Variants in STK3 observed in about 807,000 individuals in gnomAD.
STK3 encodes the protein serine/threonine kinase 3.
In STK3, 41 loss-of-function variants were observed where a neutral mutation model predicts 58.0. That is an observed-to-expected ratio of 0.71 (90% CI 0.55 to 0.92). The LOEUF (loss-of-function observed/expected upper bound fraction) is 0.92, where lower values mean the gene tolerates loss of function less well. Among genes scored for constraint, STK3 ranks in the 40% least tolerant of loss-of-function variants. The probability of loss-of-function intolerance (pLI) is 0.00; values close to 1 mark genes in which losing one functional copy is unlikely to be tolerated. For missense variants in STK3, 479 were observed against 602.7 expected, an observed-to-expected ratio of 0.79 and a Z score of 2.15; for synonymous variants, 170 against 191.0, an observed-to-expected ratio of 0.89 and a Z score of 0.91.
intron 3 of STK3, among the ~76,000 whole-genome samples, chr8:98,867,052 G>A (rs1304188089): frequency 1.3e-5 from 2 of 152,020 alleles, no homozygotes; most frequent in Admixed American, 6.5e-5. Flanking sequence ...AGCACACCAC[G>A]ACATCCACTA....
chr8:98,687,164 T>C (rs1824060636), intron 6 of STK3, among the ~76,000 whole-genome samples: 2 of 152,036 alleles, frequency 1.3e-5, no homozygotes, highest in South Asian at 4.1e-4. Flanking sequence ...AGAAAAAACC[T>C]TAAAGGCAGC....
intron 1 of STK3, among the ~76,000 whole-genome samples, chr8:98,794,806 G>A (rs1691959373): frequency 6.6e-6 from 1 of 151,796 alleles, no homozygotes; most frequent in Non-Finnish European, 1.5e-5. Context: ...AGTGGCTCAC[G>A]CCTGTAATCC....
At chr8:98,588,593 G>A (rs932519900) in intron 7 of STK3, among the ~76,000 whole-genome samples, 2 of 152,006 alleles carry the variant, frequency 1.3e-5, no homozygotes, top group Non-Finnish European at 2.9e-5. Flanking sequence ...TTGCTTTCTC[G>A]AGGAGTATCT....
chr8:98,410,714 C>T (rs1259118347), intron 3 of STK3, among the ~76,000 whole-genome samples: 3 of 152,176 alleles, frequency 2.0e-5, no homozygotes, highest in South Asian at 2.1e-4. Context: ...TTCTATCATC[C>T]TCCTTACATC....
intron 10 of STK3, among the ~76,000 whole-genome samples, chr8:98,457,731 G>T (rs1294905669): frequency 1.3e-5 from 2 of 152,058 alleles, no homozygotes; most frequent in South Asian, 2.1e-4. Context: ...TGACCCAAAG[G>T]AGTGGGTTAC....
At chr8:98,864,952 G>C (rs770613143) in intron 3 of STK3, among the ~76,000 whole-genome samples, 15 of 152,066 alleles carry the variant, frequency 9.9e-5, no homozygotes, top group Non-Finnish European at 1.9e-4. Context: ...TTCTCTTTAG[G>C]ACATGGGCCA....
intron 4 of STK3, among the ~76,000 whole-genome samples, chr8:98,721,588 G>T (rs1288852418): frequency 6.6e-6 from 1 of 151,192 alleles, no homozygotes; most frequent in African/African-American, 2.4e-5. Flanking sequence ...AGAACATAGA[G>T]CTCATATAAA....
intron 6 of STK3, chr8:98,597,465 T>G: frequency 1.0e-6 from 1 of 985,332 alleles, no homozygotes; most frequent in Non-Finnish European, 1.2e-6. Context: ...TAGCCAGTAT[T>G]ACAAAACAAT....
chr8:98,586,799 T>C (rs111548982), intron 7 of STK3, among the ~76,000 whole-genome samples: 1 of 152,042 alleles, frequency 6.6e-6, no homozygotes, highest in Non-Finnish European at 1.5e-5. Flanking sequence ...TATTCAGAGA[T>C]TCAACTTCTT....
chr8:98,812,268 A>T (rs1477324490), intron 1 of STK3, among the ~76,000 whole-genome samples: 1 of 152,236 alleles, frequency 6.6e-6, no homozygotes, highest in Non-Finnish European at 1.5e-5. Context: ...TTAGAAAGTT[A>T]TGTGTTTCTC....
chr8:98,576,893 A>G (rs2131712639), intron 8 of STK3, among the ~76,000 whole-genome samples: 1 of 152,268 alleles, frequency 6.6e-6, no homozygotes, highest in East Asian at 1.9e-4. Flanking sequence ...TGAAAACTAC[A>G]ATTTTTTTTC....
chr8:98,768,349 T>C (rs1831073759), intron 2 of STK3, among the ~76,000 whole-genome samples: 1 of 152,182 alleles, frequency 6.6e-6, no homozygotes, highest in African/African-American at 2.4e-5. Flanking sequence ...ATGGAAAACA[T>C]CGAATGTTTC....
rs115592507 is a variant in STK3, at chr8:98,459,501, C to T, written c.1318-3501G>A. Among the ~76,000 whole-genome samples the T allele has an allele frequency of 2.4e-3, 360 of 152,314 alleles. 1 individual carries two copies. The highest frequency in any genetic ancestry group is 8.3e-3 in the African/African-American group (347 of 41,580). On this transcript the variant is annotated intron_variant, in intron 10 of 10. Transcript: ENST00000419617. ...AAACCTGTTTTCTGGGGGAGAAATT[C>T]GAGCCTGCAGCAGAAATCTGCGTTA...
intron 3 of STK3, among the ~76,000 whole-genome samples, chr8:98,409,352 T>C (rs1274976878): frequency 6.6e-6 from 1 of 152,208 alleles, no homozygotes; most frequent in Non-Finnish European, 1.5e-5. Flanking sequence ...CAGCAGCCCC[T>C]CTGGCTTTCC....
At chr8:98,707,370 A>G in intron 4 of STK3, 59 bp from the exon 5 acceptor site, 1 of 1,258,752 alleles carries the variant, frequency 7.9e-7, no homozygotes. Flanking sequence ...AAATCTTACG[A>G]AAGAGCACTA....
At chr8:98,827,631 A>G (rs1034736460), upstream of STK3, among the ~76,000 whole-genome samples, 2 of 152,096 alleles carry the variant, frequency 1.3e-5, no homozygotes, top group Non-Finnish European at 2.9e-5. Flanking sequence ...TTGAAACTCT[A>G]ATTCTGAGAA....
chr8:98,400,878 T>C (rs1003232996), downstream of STK3, among the ~76,000 whole-genome samples: 5 of 152,192 alleles, frequency 3.3e-5, no homozygotes, highest in Admixed American at 2.0e-4. Context: ...TGGCAGACTG[T>C]ATTTTCCAAA....
intron 6 of STK3, chr8:98,598,579 G>T (rs1253833559): frequency 2.0e-6 from 2 of 985,200 alleles, no homozygotes; most frequent in African/African-American, 3.5e-5. Flanking sequence ...GAACCACAGA[G>T]GATCCTCTTA....
At chr8:98,549,261 A>T (rs552236776) in intron 8 of STK3, among the ~76,000 whole-genome samples, 1 of 152,308 alleles carries the variant, frequency 6.6e-6, no homozygotes, top group South Asian at 2.1e-4. Flanking sequence ...ATCCTTGGCA[A>T]CACTTGTTAT....
Sources: gnomAD v4.1 joint callset for allele counts (sites outside exome capture counted in the v4.1 genomes callset) on GRCh38, gnomAD v4.1.1 for gene constraint, MANE v1.5 for transcripts, NCBI Gene and HGNC (gene_info 2026-07-23, HGNC 2026-07-21) for gene names.